The following PDE4B variants were observed in gnomAD, a reference collection of about 807,000 sequenced individuals.
PDE4B encodes phosphodiesterase 4B.
In PDE4B, 20 loss-of-function variants were observed where a neutral mutation model predicts 82.2. The ratio of observed to expected loss-of-function variants is 0.24; its 90% CI spans 0.17 to 0.35. The LOEUF is 0.35. Among genes scored for constraint, PDE4B ranks in the 10% least tolerant of loss-of-function variants. The pLI is 1.00. For synonymous variants in PDE4B, 320 were observed against 318.9 expected (o/e 1.00, Z -0.04); for missense variants, 655 against 907.2 (o/e 0.72, Z 3.57).
rs1053372659 is a variant in PDE4B at position 66,364,405 on chromosome 1, T to C, written c.1284+834T>C. The stretch of plus-strand genomic sequence containing the variant: ...GGCCGTGGCTCCCTTCCTTCATAGA[T>C]TAATGCATTTGTGTATACCGATATC... On this transcript the variant is annotated intron_variant, in intron 12 of 16. Transcript: ENST00000341517. 3.9e-5 allele frequency among the ~76,000 whole-genome samples: 6 copies of C among 152,300 alleles called. No homozygotes were observed. In the South Asian group the frequency reaches 1.2e-3, roughly 32 times the overall value.
chr1:66,207,569 A>G (rs761470499), intron 3 of PDE4B, among the ~76,000 whole-genome samples: 3 of 152,228 alleles, frequency 2.0e-5, no homozygotes, highest in African/African-American at 4.8e-5. Context: ...AACTTGAGAG[A>G]CAAAATCAAA....
At chr1:66,003,965 C>A (rs1004243991) in intron 3 of PDE4B, among the ~76,000 whole-genome samples, 3 of 152,084 alleles carry the variant, frequency 2.0e-5, no homozygotes, top group Non-Finnish European at 4.4e-5. Flanking sequence ...TTTATCAAAA[C>A]GACATAGAGA....
At chr1:66,084,918 G>A (rs931318005) in intron 3 of PDE4B, among the ~76,000 whole-genome samples, 15 of 152,182 alleles carry the variant, frequency 9.9e-5, no homozygotes, top group African/African-American at 3.1e-4. Flanking sequence ...AGAAACCAAA[G>A]TGAACAGCCA....
rs74409978 is a variant in PDE4B at position 65,988,334 on chromosome 1, A to G, written c.281+69499A>G. ...CTAGCTTCGTTTTTTAAAACAAAAT[A>G]TAAAAATTGGGAGAAGTTGCAATTT... is the stretch of plus-strand genomic sequence containing the variant. On this transcript the variant is annotated intron_variant, in intron 3 of 16. Coordinates refer to ENST00000341517, the MANE Select transcript of PDE4B (RefSeq NM_002600.4). Among the ~76,000 whole-genome samples the G allele has an allele frequency of 3.2e-4, 49 of 152,350 alleles. 1 individual carries two copies. The East Asian group carries it at 9.1e-3, about 28-fold the overall frequency.
intron 3 of PDE4B, among the ~76,000 whole-genome samples, chr1:66,241,521 T>C (rs1430439962): frequency 6.6e-6 from 1 of 152,202 alleles, no homozygotes; most frequent in Non-Finnish European, 1.5e-5. Flanking sequence ...TTTTTTCTTT[T>C]TGTGAGACTG....
intron 7 of PDE4B, among the ~76,000 whole-genome samples, chr1:66,316,673 A>T (rs1027238498): frequency 1.3e-5 from 2 of 152,248 alleles, no homozygotes; most frequent in Non-Finnish European, 2.9e-5. Context: ...TGAAATCTTT[A>T]ATCACATTTA....
intron 3 of PDE4B, among the ~76,000 whole-genome samples, chr1:65,958,696 T>C (rs1649381851): frequency 6.6e-6 from 1 of 152,064 alleles, no homozygotes; most frequent in Admixed American, 6.6e-5. Context: ...AATGTGTCCA[T>C]TTTGACTAAG....
intron 3 of PDE4B, among the ~76,000 whole-genome samples, chr1:66,160,553 T>C (rs929284654): frequency 6.6e-5 from 10 of 152,216 alleles, no homozygotes; most frequent in African/African-American, 2.2e-4. Context: ...TACATTGCCA[T>C]TCTTTTTACA....
At chr1:66,014,250 A>G (rs1006173241) in intron 3 of PDE4B, among the ~76,000 whole-genome samples, 12 of 152,082 alleles carry the variant, frequency 7.9e-5, no homozygotes, top group Admixed American at 3.9e-4. Context: ...CTGGCTTTTC[A>G]CTATACTCTT....
intron 7 of PDE4B, among the ~76,000 whole-genome samples, chr1:66,270,141 A>G (rs1211286958): frequency 6.6e-6 from 1 of 152,242 alleles, no homozygotes; most frequent in African/African-American, 2.4e-5. Flanking sequence ...AATGATATCA[A>G]AGCCTGGATA....
At chr1:65,997,389 T>C (rs998375395) in intron 3 of PDE4B, among the ~76,000 whole-genome samples, 11 of 152,160 alleles carry the variant, frequency 7.2e-5, no homozygotes, top group Non-Finnish European at 1.5e-4. Flanking sequence ...GTCTATCTAA[T>C]ATTTGAATAC....
At chr1:66,021,872 G>T (rs924770630) in intron 3 of PDE4B, among the ~76,000 whole-genome samples, 1 of 152,130 alleles carries the variant, frequency 6.6e-6, no homozygotes, top group African/African-American at 2.4e-5. Flanking sequence ...GCTTGATGGG[G>T]ATGGCATTGA....
chr1:66,073,990 T>C (rs892170251), intron 3 of PDE4B, among the ~76,000 whole-genome samples: 8 of 152,230 alleles, frequency 5.3e-5, no homozygotes, highest in African/African-American at 1.7e-4. Context: ...GAGTGCAGTG[T>C]TCCTTGGGAA....
intron 3 of PDE4B, among the ~76,000 whole-genome samples, chr1:65,927,022 C>G (rs943709087): frequency 2.6e-5 from 4 of 151,954 alleles, no homozygotes; most frequent in Admixed American, 1.3e-4. Flanking sequence ...GCAAAATTAT[C>G]CTTCAAATGT....
intron 7 of PDE4B, among the ~76,000 whole-genome samples, chr1:66,297,478 C>A (rs937253180): frequency 6.6e-6 from 1 of 152,038 alleles, no homozygotes; most frequent in Non-Finnish European, 1.5e-5. Flanking sequence ...TTAAAGAAGC[C>A]AGGCCAAATA....
intron 3 of PDE4B, chr1:65,992,448 C>T (rs58032522): frequency 6.5e-6 from 1 of 154,152 alleles, no homozygotes; most frequent in Non-Finnish European, 1.4e-5. Context: ...TCTGGGTCTG[C>T]TCTTTGTGCA....
At chr1:65,942,994 T>C (rs1323526197) in intron 3 of PDE4B, among the ~76,000 whole-genome samples, 3 of 152,024 alleles carry the variant, frequency 2.0e-5, no homozygotes, top group Non-Finnish European at 2.9e-5. Flanking sequence ...TGCTTGGCTG[T>C]ACAGAAGCTT....
rs183200769 is a variant in PDE4B at position 65,888,151 on chromosome 1, T to C, written c.-70-25094T>C. On this transcript the variant is annotated intron_variant, in intron 1 of 16. Coordinates refer to ENST00000341517, the MANE Select transcript of PDE4B (RefSeq NM_002600.4). Reference sequence around the variant, plus strand: ...TTTGGTGAGAGTTAGGGGTCTAGTTTCATTCTTCTGCATGTGGCGACCAAT... The same window carrying C: ...TTTGGTGAGAGTTAGGGGTCTAGTTCCATTCTTCTGCATGTGGCGACCAAT... Among the ~76,000 whole-genome samples, 192 of 152,308 alleles carry C rather than the reference T, an allele frequency of 1.3e-3. 2 individuals are homozygous for C. The Middle Eastern group carries it at 0.014, about 11-fold the overall frequency.
intron 7 of PDE4B, among the ~76,000 whole-genome samples, chr1:66,269,959 T>C (rs1399658398): frequency 6.6e-6 from 1 of 152,214 alleles, no homozygotes; most frequent in Non-Finnish European, 1.5e-5. Flanking sequence ...AATTTCTTTT[T>C]CTAAAATTTA....
Sources: gnomAD v4.1 joint callset for allele counts (sites outside exome capture counted in the v4.1 genomes callset) on GRCh38, gnomAD v4.1.1 for gene constraint, MANE v1.5 for transcripts, NCBI Gene and HGNC (gene_info 2026-07-23, HGNC 2026-07-21) for gene names.